Variants in JAZF1 observed in about 807,000 individuals in gnomAD.
The protein encoded by JAZF1 is JAZF zinc finger 1.
A neutral mutation model predicts 26.4 loss-of-function variants in JAZF1; 8 were observed. The observed-to-expected ratio is 0.30, with a 90% confidence interval of 0.18 to 0.55. The LOEUF (loss-of-function observed/expected upper bound fraction) is 0.55, where lower values mean the gene tolerates loss of function less well. Ranked by LOEUF, JAZF1 falls within the 20% of genes least tolerant of loss-of-function variation. The pLI is 0.94. For synonymous variants in JAZF1, 126 were observed against 122.3 expected (o/e 1.03, Z -0.20); for missense variants, 199 against 322.0 (o/e 0.62, Z 2.92).
intron 2 of JAZF1, among the ~76,000 whole-genome samples, chr7:27,966,880 T>C (rs907179036): frequency 5.9e-5 from 9 of 152,042 alleles, no homozygotes; most frequent in Admixed American, 5.2e-4. Context: ...AAAGATGAGG[T>C]AGTGGTTTAA....
chr7:27,862,803 T>G (rs999499410), intron 3 of JAZF1, among the ~76,000 whole-genome samples: 3 of 152,240 alleles, frequency 2.0e-5, no homozygotes, highest in Admixed American at 2.0e-4. Context: ...GTATTTTGGG[T>G]GCATGTGCGT....
At chr7:28,082,519 T>G (rs776960706) in intron 1 of JAZF1, among the ~76,000 whole-genome samples, 1 of 152,200 alleles carries the variant, frequency 6.6e-6, no homozygotes, top group Non-Finnish European at 1.5e-5. Context: ...AATATCTGTA[T>G]GCTGATGGCT....
At chr7:27,834,957 A>G (rs1350853000) in intron 4 of JAZF1, among the ~76,000 whole-genome samples, 1 of 152,242 alleles carries the variant, frequency 6.6e-6, no homozygotes, top group African/African-American at 2.4e-5. Flanking sequence ...ATATGGTGGA[A>G]AGTATCCTGG....
intron 1 of JAZF1, among the ~76,000 whole-genome samples, chr7:28,164,852 A>C (rs1174974464): frequency 6.6e-6 from 1 of 152,170 alleles, no homozygotes; most frequent in African/African-American, 2.4e-5. Flanking sequence ...TCAGTTTGAA[A>C]AATGTACCAA....
intron 1 of JAZF1, among the ~76,000 whole-genome samples, chr7:28,018,167 C>T (rs1243249405): frequency 2.0e-5 from 3 of 152,150 alleles, no homozygotes; most frequent in East Asian, 1.9e-4. Context: ...AACGAGCCAG[C>T]GAGGCCAAGG....
At chr7:27,878,785 G>C (rs1783722271) in intron 3 of JAZF1, among the ~76,000 whole-genome samples, 1 of 152,156 alleles carries the variant, frequency 6.6e-6, no homozygotes, top group Non-Finnish European at 1.5e-5. Flanking sequence ...TCACTCTCTG[G>C]CCTCTTTGAC....
At chr7:28,021,627 G>C (rs1783009290) in intron 1 of JAZF1, among the ~76,000 whole-genome samples, 1 of 152,160 alleles carries the variant, frequency 6.6e-6, no homozygotes, top group South Asian at 2.1e-4. Flanking sequence ...AAGACATGGT[G>C]GTGGGGCAGG....
intron 1 of JAZF1, among the ~76,000 whole-genome samples, chr7:28,048,990 T>TCCTTCCCTTCCTTCCTTC (rs1783542597): frequency 2.2e-5 from 3 of 136,016 alleles, no homozygotes; most frequent in Non-Finnish European, 4.9e-5. Flanking sequence ...TTCCTTCCCT[T>TCCTTCCCTTCCTTCCTTC]CCTTCCTTCC....
intron 1 of JAZF1, among the ~76,000 whole-genome samples, chr7:28,024,319 A>T (rs2128373481): frequency 6.6e-6 from 1 of 152,124 alleles, no homozygotes; most frequent in Non-Finnish European, 1.5e-5. Flanking sequence ...AGAGAGAGAG[A>T]GAGATGTTTA....
intron 3 of JAZF1, among the ~76,000 whole-genome samples, chr7:27,855,982 G>A (rs560728460): frequency 9.2e-5 from 14 of 152,274 alleles, no homozygotes; most frequent in East Asian, 5.8e-4. Flanking sequence ...CTGGCAAACC[G>A]AATCCAGCAG....
At chr7:27,867,213 A>C (rs1783488065) in intron 3 of JAZF1, among the ~76,000 whole-genome samples, 1 of 152,188 alleles carries the variant, frequency 6.6e-6, no homozygotes, top group Non-Finnish European at 1.5e-5. Context: ...AGGATGATTG[A>C]TATAGAGAAA....
intron 3 of JAZF1, among the ~76,000 whole-genome samples, chr7:27,852,708 C>T (rs1262570799): frequency 6.6e-6 from 1 of 152,206 alleles, no homozygotes; most frequent in Non-Finnish European, 1.5e-5. Flanking sequence ...ATTTTATAAA[C>T]AGCAATCTAC....
chr7:28,125,161 T>TG (rs1047692928), intron 1 of JAZF1, among the ~76,000 whole-genome samples: 1 of 150,748 alleles, frequency 6.6e-6, no homozygotes, highest in African/African-American at 2.5e-5. Flanking sequence ...TTTTTTTTTT[T>TG]TTGTTAACCC....
At chr7:27,879,357 A>G (rs1017844653) in intron 3 of JAZF1, among the ~76,000 whole-genome samples, 2 of 152,202 alleles carry the variant, frequency 1.3e-5, no homozygotes, top group Non-Finnish European at 1.5e-5. Context: ...ACTGGCCCAC[A>G]TGAGAATTAA....
chr7:28,064,195 C>T (rs143861099), intron 1 of JAZF1, among the ~76,000 whole-genome samples: 3 of 152,124 alleles, frequency 2.0e-5, no homozygotes, highest in South Asian at 2.1e-4. Context: ...ATGACCGGAA[C>T]ATCTGGCTAT....
At chr7:28,134,718 A>T (rs943029239) in intron 1 of JAZF1, among the ~76,000 whole-genome samples, 16 of 151,320 alleles carry the variant, frequency 1.1e-4, no homozygotes, top group Middle Eastern at 3.4e-3. Context: ...TGATATATTT[A>T]TTTTTTTTTA....
At chr7:28,113,633 A>T (rs1206544358) in intron 1 of JAZF1, among the ~76,000 whole-genome samples, 1 of 152,186 alleles carries the variant, frequency 6.6e-6, no homozygotes, top group African/African-American at 2.4e-5. Context: ...AATGCCTATA[A>T]CTTAGGATGT....
intron 1 of JAZF1, among the ~76,000 whole-genome samples, chr7:28,115,051 T>C (rs2127934971): frequency 6.6e-6 from 1 of 152,278 alleles, no homozygotes; most frequent in South Asian, 2.1e-4. Flanking sequence ...TCTGTAGGCA[T>C]GTAGGAGGCA....
intron 1 of JAZF1, 27 bp downstream of exon 1, chr7:28,180,436 A>C (rs1376468690): frequency 2.0e-6 from 3 of 1,501,038 alleles, no homozygotes; most frequent in Non-Finnish European, 1.8e-6. Context: ...CGCGCCTGGC[A>C]CCCCCGCCCA....
Sources: allele counts gnomAD v4.1 joint callset (sites outside exome capture counted in the v4.1 genomes callset), GRCh38; gene constraint gnomAD v4.1.1; transcripts MANE v1.5; gene names NCBI Gene and HGNC (gene_info 2026-07-23, HGNC 2026-07-21).